PIH1D1: variants seen among roughly 807,000 people sequenced by gnomAD.
The protein encoded by PIH1D1 is PIH1 domain containing 1, also known as PIH1 domain-containing protein 1.
PIH1D1 carries 28 observed loss-of-function variants against 38.5 expected under a neutral mutation model. The observed-to-expected ratio is 0.73, with a 90% CI of 0.54 to 1.00. PIH1D1 has a LOEUF of 1.00. Among genes scored for constraint, PIH1D1 ranks in the 50% least tolerant of loss-of-function variants. The probability of loss-of-function intolerance (pLI) is 0.00; values close to 1 mark genes in which losing one functional copy is unlikely to be tolerated. For synonymous variants in PIH1D1, 155 were observed against 153.5 expected, an observed-to-expected ratio of 1.01 and a Z score of -0.07; for missense variants, 343 against 369.9, an observed-to-expected ratio of 0.93 and a Z score of 0.60.
chr19:49,448,963 C>T (rs898081626), intron 3 of PIH1D1: 5 of 285,808 alleles, frequency 1.7e-5, no homozygotes, highest in South Asian at 6.7e-5. Context: ...GAGGCTGAGG[C>T]GGTGGATCAC....
Position 49,451,750 on chromosome 19 carries a change from C to G in PIH1D1, c.-176G>C, listed in dbSNP as rs892005980. ...TCCATTCAAGACCGAACACCATCGT[C>G]AAATCCGTGGGGAATATGTGTCTCT... On this transcript the variant is annotated 5_prime_UTR_variant, in exon 1 of 9. Transcript: ENST00000262265. The G allele has an allele frequency of 4.2e-6, 6 of 1,420,468 alleles. No individual in the cohort carries two copies. The African/African-American group carries it at 4.3e-5, about 10-fold the overall frequency. 88.0% of individuals were successfully genotyped at this position (1,420,468 alleles called of 1,614,324 possible).
intron 2 of PIH1D1, 106 bp from the exon 3 acceptor site, chr19:49,449,760 T>A: frequency 1.1e-6 from 1 of 890,612 alleles, no homozygotes; most frequent in Non-Finnish European, 1.7e-6. Flanking sequence ...TCCCCCTTTT[T>A]TGTTCCACTC....
At chr19:49,449,413 T>G (rs996909816) in intron 3 of PIH1D1, 62 bp downstream of exon 3, 2 of 1,526,110 alleles carry the variant, frequency 1.3e-6, no homozygotes, top group Non-Finnish European at 1.8e-6. Flanking sequence ...CCCAGGATTC[T>G]TGGGTTCTAG....
rs1337576886 is a variant in PIH1D1 at position 49,449,595 on chromosome 19, G to A, written c.217C>T (p.Pro73Ser). The stretch of plus-strand genomic sequence containing the variant: ...ACGTCGGCGGGAGGAGGGATAGAGG[G>A]GGAGTGGCAGATGTTGATGAAAACC... Reference protein sequence around the residue: ...GKVFINICHSPSIPPPADVTE... With the variant: ...GKVFINICHSSSIPPPADVTE... The change falls in exon 3 of 9, where the codon CCC becomes TCC. Residue 73 changes from proline to serine, a missense_variant. Pro to Ser is a moderately conservative substitution (Grantham distance 74). Coordinates refer to ENST00000262265, the MANE Select transcript of PIH1D1 (RefSeq NM_017916.3). 2 of 1,614,154 alleles carry A rather than the reference G, an allele frequency of 1.2e-6. No homozygotes were observed. The highest frequency in any genetic ancestry group is 2.7e-5 in the African/African-American group (2 of 75,026).
At chr19:49,448,810 A>G (rs771468872) in intron 3 of PIH1D1, among the ~76,000 whole-genome samples, 23 of 152,232 alleles carry the variant, frequency 1.5e-4, no homozygotes, top group Non-Finnish European at 3.4e-4. Context: ...ACATATTGAA[A>G]AAAGGATATA....
chr19:49,447,004 G>A lies in PIH1D1; in HGVS notation c.687+20C>T. 6.3e-7 allele frequency: 1 copy of A among 1,596,294 alleles called. No homozygotes were observed. The highest frequency in any genetic ancestry group is 8.6e-7 in the Non-Finnish European group (1 of 1,164,140). On this transcript the variant is annotated intron_variant, in intron 7 of 8. Transcript: ENST00000262265. ...TTCCAGACCTCATTCCCCTGCTCTG[G>A]TCCAGCGCGCAAAACTCACCAGTTT...
rs201618028 is a variant in PIH1D1 at position 49,446,649 on chromosome 19, C to T, written c.733G>A (p.Val245Met). 384 of 1,599,110 alleles carry T rather than the reference C, an allele frequency of 2.4e-4. No homozygotes were observed. In the Middle Eastern group the frequency reaches 4.0e-3, roughly 17 times the overall value. Residue 245 changes from valine to methionine, a missense_variant, in exon 8 of 9, where the codon GTG (valine) becomes ATG (methionine). Physicochemically the swap from Val to Met is conservative, Grantham distance 21 (BLOSUM62 1). Coordinates refer to ENST00000262265, the MANE Select transcript of PIH1D1 (RefSeq NM_017916.3). Reference protein sequence around the residue: ...LSLEIGENRLVMGGPQQLYHL... With the variant: ...LSLEIGENRLMMGGPQQLYHL... ...TACAGCTGCTGGGGGCCCCCCATCA[C>T]CAGGCGGTTCTCCCCGATCTCCAGC... is the stretch of plus-strand genomic sequence containing the variant.
intron 6 of PIH1D1, 102 bp downstream of exon 6, chr19:49,447,234 TCA>T (rs2079029027): frequency 1.3e-6 from 2 of 1,537,480 alleles, no homozygotes; most frequent in South Asian, 1.2e-5. Context: ...CCTCCCTCTC[TCA>T]GTGCCCAGGG....
At position 49,446,633 on chromosome 19, in the gene PIH1D1, T is replaced by A. The variant is rs1188464110; in HGVS notation, c.749A>T (p.Gln250Leu). ...ATAAGCGTCTAGATGATACAGCTGC[T>A]GGGGGCCCCCCATCACCAGGCGGTT... is the stretch of plus-strand genomic sequence containing the variant. The part of the protein sequence containing the change: ...GENRLVMGGP[Q>L]QLYHLDAYIP... The change falls in exon 8 of 9, where the codon CAG (glutamine) becomes CTG (leucine). Residue 250 changes from glutamine (Q) to leucine (L), a missense_variant. By Grantham distance (113) the Gln-to-Leu change is moderately radical (BLOSUM62 -2). Transcript: ENST00000262265. 3.7e-6 allele frequency: 6 copies of A among 1,607,946 alleles called. No homozygotes were observed. The highest frequency in any genetic ancestry group is 5.1e-6 in the Non-Finnish European group (6 of 1,176,798).
In PIH1D1 at chr19:49,451,746, T is replaced by C; in HGVS notation, c.-172A>G. 1.4e-6 allele frequency: 2 copies of C among 1,419,992 alleles called. No homozygotes were observed. The highest frequency in any genetic ancestry group is 1.8e-6 in the Non-Finnish European group (2 of 1,087,238). 88.0% of individuals were successfully genotyped at this position (1,419,992 alleles called of 1,614,324 possible). On this transcript the variant is annotated 5_prime_UTR_variant, in exon 1 of 9. An upstream start codon of the reference 5' UTR is lost. Transcript: ENST00000262265. Reference sequence around the variant, plus strand: ...CATTTCCATTCAAGACCGAACACCATCGTCAAATCCGTGGGGAATATGTGT... The same window carrying C: ...CATTTCCATTCAAGACCGAACACCACCGTCAAATCCGTGGGGAATATGTGT...
chr19:49,448,173 G>A, intron 3 of PIH1D1, 111 bp from the exon 4 acceptor site: 2 of 1,093,394 alleles, frequency 1.8e-6, no homozygotes, highest in Non-Finnish European at 2.7e-6. Context: ...GAAGCAGAGA[G>A]AGACATAAGG....
chr19:49,447,254 A>G, intron 6 of PIH1D1, 84 bp downstream of exon 6: 1 of 1,568,904 alleles, frequency 6.4e-7, no homozygotes, highest in South Asian at 1.1e-5. Flanking sequence ...GGGCCCCAGG[A>G]CATCACCCAG....
At chr19:49,447,257 T>A (rs1051558669) in intron 6 of PIH1D1, 81 bp downstream of exon 6, 17 of 1,579,986 alleles carry the variant, frequency 1.1e-5, no homozygotes, top group African/African-American at 1.3e-5. Context: ...CCCCAGGACA[T>A]CACCCAGTGT....
At chr19:49,447,549 A>G in intron 5 of PIH1D1, 82 bp from the exon 6 acceptor site, 1 of 1,527,922 alleles carries the variant, frequency 6.5e-7, no homozygotes, top group Non-Finnish European at 8.9e-7. Context: ...GATAGGCTCC[A>G]CCGGCTCACC....
rs141625657 is a variant in PIH1D1 at position 49,449,456 on chromosome 19, G to A, written c.337+19C>T. On this transcript the variant is annotated intron_variant, in intron 3 of 8. Coordinates refer to ENST00000262265, the MANE Select transcript of PIH1D1 (RefSeq NM_017916.3). ...GGGGCCTAGCGGGCCAGACTCCTGG[G>A]TCCTCTGAGGGCACTGACTTGCATC... is the stretch of plus-strand genomic sequence containing the variant. The A allele has an allele frequency of 4.3e-6, 7 of 1,613,312 alleles. No homozygotes were observed. Among genetic ancestry groups the A allele is most frequent in the Non-Finnish European group, 5.9e-6 (7 of 1,179,290 alleles).
rs765071503 is a variant in PIH1D1 at position 49,447,871 on chromosome 19, G to A, written c.437C>T (p.Ala146Val). 5.0e-6 allele frequency: 8 copies of A among 1,614,052 alleles called. No individual in the cohort carries two copies. Among genetic ancestry groups the A allele is most frequent in the African/African-American group, 2.7e-5 (2 of 74,914 alleles). The change falls in exon 5 of 9, where the codon GCC (alanine) becomes GTC (valine). Residue 146 changes from alanine to valine, a missense_variant. Transcript: ENST00000262265. ...GTATTTGTCCTCAAGGCCCTCCCTG[G>A]CGATGGTGATCACGAGCTCCCGCAA... ...DFLRELVITI[A>V]REGLEDKYNL...
chr19:49,451,542 T>C lies in PIH1D1; in HGVS notation c.33A>G (p.Leu11=), dbSNP rs1234628888. Reference sequence around the variant, plus strand: ...CAGCACCGATCGCCTCCGCCTCGCTTAGCCCCATTCCCAGCAGCTTCGGGT... The same window carrying C: ...CAGCACCGATCGCCTCCGCCTCGCTCAGCCCCATTCCCAGCAGCTTCGGGT... The part of the protein sequence containing the change: MANPKLLGMG[L]SEAEAIGADS... Residue 11 remains leucine, a synonymous_variant, in exon 1 of 9, where the codon CTA becomes CTG. Coordinates refer to ENST00000262265, the MANE Select transcript of PIH1D1 (RefSeq NM_017916.3). 5 of 1,613,650 alleles carry C rather than the reference T, an allele frequency of 3.1e-6. No homozygotes were observed. In the East Asian group the frequency reaches 8.9e-5, roughly 29 times the overall value.
At chr19:49,449,778 G>C in intron 2 of PIH1D1, 124 bp from the exon 3 acceptor site, 2 of 683,746 alleles carry the variant, frequency 2.9e-6, no homozygotes, top group Admixed American at 3.1e-5. Context: ...CTCCCCACCC[G>C]AGATCCCTCA....
At chr19:49,449,383 T>A (rs1169630792) in intron 3 of PIH1D1, 92 bp downstream of exon 3, 1 of 1,171,780 alleles carries the variant, frequency 8.5e-7, no homozygotes, top group Non-Finnish European at 1.3e-6. Context: ...CTCCAGGAGC[T>A]GAGGGAGGAG....
Sources: allele counts gnomAD v4.1 joint callset (sites outside exome capture counted in the v4.1 genomes callset), GRCh38; gene constraint gnomAD v4.1.1; transcripts MANE v1.5; gene names NCBI Gene and HGNC (gene_info 2026-07-23, HGNC 2026-07-21).